Variants in IL13RA1 observed in about 807,000 individuals in gnomAD.
The protein encoded by IL13RA1 is interleukin 13 receptor subunit alpha 1, also known as interleukin-13 receptor subunit alpha-1.
Under a neutral mutation model 33.8 loss-of-function variants are expected in IL13RA1, and 14 were observed. The ratio of observed to expected loss-of-function variants is 0.41; its 90% CI spans 0.27 to 0.65. The LOEUF is 0.65. IL13RA1 is among the 30% of genes least tolerant of loss of function. The pLI, the probability that IL13RA1 is intolerant of heterozygous loss-of-function variation, is 0.28. For missense variants in IL13RA1, 313 were observed against 327.0 expected, an observed-to-expected ratio of 0.96 and a Z score of 0.33; for synonymous variants, 116 against 115.7, an observed-to-expected ratio of 1.00 and a Z score of -0.02.
chrX:118,800,266 C>T, the IL13RA1 span, among the ~76,000 whole-genome samples: 1 of 110,312 alleles, frequency 9.1e-6, no homozygotes, highest in African/African-American at 3.3e-5. Context: ...CCAGCAGTGG[C>T]GACCCGCGCG....
At chrX:118,783,659 G>A (rs950830023) in intron 10 of IL13RA1, among the ~76,000 whole-genome samples, 9 of 109,826 alleles carry the variant, frequency 8.2e-5, no homozygotes, top group African/African-American at 1.0e-4. Context: ...TTCTTGTCCA[G>A]CACAGCCAAG....
downstream of IL13RA1, among the ~76,000 whole-genome samples, chrX:118,799,157 T>C (rs913574852): frequency 8.8e-6 from 1 of 113,303 alleles, no homozygotes; most frequent in African/African-American, 3.2e-5. Flanking sequence ...ACCGGCGCTG[T>C]GCTCGATTTC....
chrX:118,799,613 G>T, the IL13RA1 span, among the ~76,000 whole-genome samples: 4 of 103,806 alleles, frequency 3.9e-5, no homozygotes, highest in African/African-American at 1.1e-4. Context: ...CACCCTGTGT[G>T]TAGCTCAAGG....
the IL13RA1 span, among the ~76,000 whole-genome samples, chrX:118,804,394 TACACACACACACAC>T: frequency 3.3e-5 from 3 of 89,709 alleles, no homozygotes; most frequent in Non-Finnish European, 4.5e-5. Flanking sequence ...CAGCCATGCA[TACACACACACACAC>T]ACACACACAC....
At position 118,758,227 on chromosome X, in the gene IL13RA1, C is replaced by T. The variant is rs144116915; in HGVS notation, c.661C>T (p.Pro221Ser). The change falls in exon 5 of 11, where the codon CCT (proline) becomes TCT (serine). Residue 221 changes from proline to serine, a missense_variant. By Grantham distance (74) the Pro-to-Ser change is moderately conservative. Coordinates refer to ENST00000371666, the MANE Select transcript of IL13RA1 (RefSeq NM_001560.3). ...GKIKPSFNIV[P>S]LTSRVKPDPP... ...AATTAAACCATCCTTCAATATAGTG[C>T]CTTTAACTTCCCGTGGTAAGTTTTA... The T allele has an allele frequency of 3.9e-5, 40 of 1,037,000 alleles. No individual in the cohort carries two copies. In the African/African-American group the frequency reaches 5.9e-4, roughly 15 times the overall value. 85.5% of individuals were successfully genotyped at this position (1,037,000 alleles called of 1,213,427 possible).
chrX:118,760,275 T>C (rs1385373573), intron 5 of IL13RA1, among the ~76,000 whole-genome samples: 2 of 112,059 alleles, frequency 1.8e-5, no homozygotes, highest in African/African-American at 6.5e-5. Flanking sequence ...AGATACCTCA[T>C]AGGAGTGGAT....
In IL13RA1 at chrX:118,784,090, A is replaced by ATATATATATATAGATATAT; in HGVS notation, c.1191+7579_1191+7580insTATATATATATAGATATAT. ...AGACTCTGTCGCCAAAAAAAAAAAA[A>ATATATATATATAGATATAT]ATATATATATATATATATACGTATA... On this transcript the variant is annotated intron_variant, in intron 10 of 10. Transcript: ENST00000371666. Among the ~76,000 whole-genome samples, 3 of 63,957 alleles carry ATATATATATATAGATATAT rather than the reference A, an allele frequency of 4.7e-5. 1 individual carries two copies. The Admixed American group carries it at 7.7e-4, about 16-fold the overall frequency. The allele number at this position is 63,957 out of a possible 115,157, so 55.5% of individuals were successfully genotyped here. A position where few individuals can be genotyped will look rare whatever the true frequency, so the allele number is the denominator to read the frequency against.
intron 6 of IL13RA1, among the ~76,000 whole-genome samples, chrX:118,766,290 A>G (rs1371018047): frequency 9.0e-6 from 1 of 111,339 alleles, no homozygotes; most frequent in African/African-American, 3.3e-5. Flanking sequence ...TAAATCTGCA[A>G]TATATCAGGA....
chrX:118,741,142 G>T lies in IL13RA1; in HGVS notation c.214G>T (p.Asp72Tyr), dbSNP rs138422269. Reference sequence around the variant, plus strand: ...TCTATGGTATTTTAGTCATTTTGGCGACAAACAAGATAAGGTAAGTTTTCT... The same window carrying T: ...TCTATGGTATTTTAGTCATTTTGGCTACAAACAAGATAAGGTAAGTTTTCT... ...CSLWYFSHFG[D>Y]KQDKKIAPET... The change falls in exon 2 of 11, where the codon GAC becomes TAC. Residue 72 changes from aspartate (D) to tyrosine (Y), a missense_variant. Coordinates refer to ENST00000371666, the MANE Select transcript of IL13RA1 (RefSeq NM_001560.3). 3 of 1,158,949 alleles carry T rather than the reference G, an allele frequency of 2.6e-6. No homozygotes were observed. Among genetic ancestry groups the T allele is most frequent in the Admixed American group, 2.2e-5 (1 of 45,408 alleles).
chrX:118,762,215 T>C (rs5910413), intron 6 of IL13RA1, among the ~76,000 whole-genome samples: 6,564 of 112,783 alleles, frequency 0.058, 206 homozygotes, highest in Non-Finnish European at 0.091. Flanking sequence ...CTCACACTTT[T>C]TTGTGTGGAA....
At chrX:118,798,566 C>T (rs1273281960), downstream of IL13RA1, among the ~76,000 whole-genome samples, 4 of 111,941 alleles carry the variant, frequency 3.6e-5, 1 homozygote, top group East Asian at 5.6e-4. Context: ...TGGTTGTTCT[C>T]TAGGCCGAGC....
chrX:118,747,832 C>G (rs970308399), intron 3 of IL13RA1, among the ~76,000 whole-genome samples: 8 of 110,332 alleles, frequency 7.3e-5, no homozygotes, highest in Non-Finnish European at 1.1e-4. Flanking sequence ...AATCCCAGCT[C>G]TGCCAGCTAC....
rs930180367 is a variant in IL13RA1, at chrX:118,749,689, A to G, written c.399A>G (p.Gln133=). 6.7e-6 allele frequency: 8 copies of G among 1,200,437 alleles called. No individual in the cohort carries two copies. The African/African-American group carries it at 1.1e-4, about 16-fold the overall frequency. Residue 133 remains glutamine (Q), a synonymous_variant, in exon 4 of 11, where the codon CAA becomes CAG. Coordinates refer to ENST00000371666, the MANE Select transcript of IL13RA1 (RefSeq NM_001560.3). ...GDPESAVTEL[Q]CIWHNLSYMK... ...CTGAGTCTGCTGTGACTGAGCTTCA[A>G]TGCATTTGGCACAACCTGAGCTACA...
intron 10 of IL13RA1, among the ~76,000 whole-genome samples, chrX:118,784,138 T>TATACACAC (rs1556373153): frequency 1.6e-5 from 1 of 63,127 alleles, no homozygotes; most frequent in African/African-American, 9.1e-5. Flanking sequence ...TGTATATATA[T>TATACACAC]ATATATATAC....
At chrX:118,731,009 A>G (rs1331379747) in intron 1 of IL13RA1, among the ~76,000 whole-genome samples, 1 of 112,629 alleles carries the variant, frequency 8.9e-6, no homozygotes, top group Non-Finnish European at 1.9e-5. Flanking sequence ...AGGCGAGAGC[A>G]AAAGCTATAA....
At chrX:118,780,549 T>C (rs969041917) in intron 10 of IL13RA1, among the ~76,000 whole-genome samples, 9 of 112,876 alleles carry the variant, frequency 8.0e-5, no homozygotes, top group South Asian at 3.6e-4. Flanking sequence ...CAGCATCTGC[T>C]TCTGGTGAGT....
chrX:118,781,621 G>A, intron 10 of IL13RA1, among the ~76,000 whole-genome samples: 1 of 112,756 alleles, frequency 8.9e-6, no homozygotes, highest in East Asian at 2.8e-4. Context: ...CAAAGTGCTG[G>A]GATTACAGGC....
chrX:118,763,138 A>G (rs920249601), intron 6 of IL13RA1, among the ~76,000 whole-genome samples: 2 of 111,472 alleles, frequency 1.8e-5, no homozygotes, highest in Non-Finnish European at 3.8e-5. Flanking sequence ...ACTTTTACCT[A>G]TGTCACAAAC....
At chrX:118,755,337 C>G (rs189388162) in intron 4 of IL13RA1, among the ~76,000 whole-genome samples, 1 of 110,681 alleles carries the variant, frequency 9.0e-6, no homozygotes, top group South Asian at 3.8e-4. Context: ...ATTGAACAGA[C>G]CCCGGCCTGA....
Sources: gnomAD v4.1 joint callset for allele counts (sites outside exome capture counted in the v4.1 genomes callset) on GRCh38, gnomAD v4.1.1 for gene constraint, MANE v1.5 for transcripts, NCBI Gene and HGNC (gene_info 2026-07-23, HGNC 2026-07-21) for gene names.